MSI2: variants seen among roughly 807,000 people sequenced by gnomAD.
The protein encoded by MSI2 is musashi RNA binding protein 2.
In MSI2, 17 loss-of-function variants were observed where a neutral mutation model predicts 45.6. The observed-to-expected ratio is 0.37, with a 90% CI of 0.26 to 0.56. The LOEUF is 0.56. MSI2 is among the 20% of genes least tolerant of loss of function. The pLI is 0.77. For missense variants in MSI2, 293 were observed against 444.2 expected (o/e 0.66, Z 3.06); for synonymous variants, 156 against 158.2 (o/e 0.99, Z 0.11).
rs966823770 is a variant in MSI2, at chr17:57,611,722, G to A, written c.538-4248G>A. Among the ~76,000 whole-genome samples the A allele has an allele frequency of 8.4e-5, 8 of 95,556 alleles. 4 individuals carry two copies. Among genetic ancestry groups the A allele is most frequent in the Non-Finnish European group, 5.0e-5 (2 of 39,710 alleles). The allele number at this position is 95,556 out of a possible 152,430, so 62.7% of individuals were successfully genotyped here. On this transcript the variant is annotated intron_variant, in intron 8 of 13. Coordinates refer to ENST00000284073, the MANE Select transcript of MSI2 (RefSeq NM_138962.4). The stretch of plus-strand genomic sequence containing the variant: ...GCGCCATGGAGAAGCCATGGTGGAC[G>A]CCCCATCAGCAGGCCCAGCCAAACC...
In MSI2 at chr17:57,507,247, G is replaced by C. The variant is rs947753063; in HGVS notation, c.406-22429G>C. Among the ~76,000 whole-genome samples, 244 of 148,326 alleles carry C rather than the reference G, an allele frequency of 1.6e-3. 11 individuals are homozygous for C. The highest frequency in any genetic ancestry group is 4.2e-3 in the African/African-American group (170 of 40,030). On this transcript the variant is annotated intron_variant, in intron 6 of 13. Coordinates refer to ENST00000284073, the MANE Select transcript of MSI2 (RefSeq NM_138962.4). ...TCTCTGTGTGTGTGTGTGTGTGTGT[G>C]TGTGTGTGTGTGTGTGTGTGTGTGT...
At chr17:57,257,651 A>G in intron 3 of MSI2, 104 bp downstream of exon 3, 2 of 801,392 alleles carry the variant, frequency 2.5e-6, no homozygotes. Flanking sequence ...AATGGGGCTC[A>G]GGCGCGTGGC....
rs896593479 is a variant in MSI2, at chr17:57,652,282, G to A, written c.790+121G>A. On this transcript the variant is annotated intron_variant, in intron 11 of 13. Coordinates refer to ENST00000284073, the MANE Select transcript of MSI2 (RefSeq NM_138962.4). The surrounding 1 kb of genome is among the most constrained non-coding windows in gnomAD (Gnocchi z 4.1). ...AACACCACTCTCACCACAGCCCCGG[G>A]GAGGGGGTGGACGGGGAGGGGGTGG... 2 of 1,049,994 alleles carry A rather than the reference G, an allele frequency of 1.9e-6. No homozygotes were observed. Among genetic ancestry groups the A allele is most frequent in the East Asian group, 2.5e-5 (1 of 39,458 alleles). 65.0% of individuals were successfully genotyped at this position (1,049,994 alleles called of 1,614,324 possible). A position where few individuals can be genotyped will look rare whatever the true frequency, so the allele number is the denominator to read the frequency against.
At chr17:57,660,171 A>G (rs9899614) in intron 11 of MSI2, among the ~76,000 whole-genome samples, 27,733 of 152,054 alleles carry the variant, frequency 0.18, 3,297 homozygotes, top group African/African-American at 0.33. Context: ...TCTCATTTCA[A>G]TACTGTCTTT....
At chr17:57,363,100 G>C (rs1222232030) in intron 5 of MSI2, among the ~76,000 whole-genome samples, 2 of 152,102 alleles carry the variant, frequency 1.3e-5, no homozygotes, top group African/African-American at 4.8e-5. Flanking sequence ...GCCAAAAGGT[G>C]GAAACAACCC....
At chr17:57,430,950 T>C (rs928224124) in intron 6 of MSI2, among the ~76,000 whole-genome samples, 2 of 152,222 alleles carry the variant, frequency 1.3e-5, no homozygotes, top group African/African-American at 4.8e-5. Flanking sequence ...TGGTTATGAT[T>C]TTAGGAGCAC....
At chr17:57,694,560 T>C in the MSI2 span, among the ~76,000 whole-genome samples, 1 of 152,130 alleles carries the variant, frequency 6.6e-6, no homozygotes, top group African/African-American at 2.4e-5. Flanking sequence ...CTGTGGGGAA[T>C]GGGCTAATTA....
chr17:57,257,616 C>A, intron 3 of MSI2, 69 bp downstream of exon 3: 2 of 1,181,366 alleles, frequency 1.7e-6, no homozygotes, highest in South Asian at 2.5e-5. Flanking sequence ...TTGGAGGTGT[C>A]TTCGGAAGTA....
intron 5 of MSI2, among the ~76,000 whole-genome samples, chr17:57,347,549 C>A (rs1482939713): frequency 6.6e-6 from 1 of 152,154 alleles, no homozygotes; most frequent in East Asian, 1.9e-4. Context: ...TTCTGTCTTG[C>A]GTTTCTCTCT....
chr17:57,356,324 C>G (rs1916415125), intron 5 of MSI2, among the ~76,000 whole-genome samples: 3 of 152,158 alleles, frequency 2.0e-5, no homozygotes, highest in South Asian at 4.1e-4. Context: ...TTCTTGATAA[C>G]TTTGATGCCC....
chr17:57,296,739 G>C (rs1324847595), intron 5 of MSI2, among the ~76,000 whole-genome samples: 2 of 152,182 alleles, frequency 1.3e-5, no homozygotes, highest in East Asian at 3.8e-4. Flanking sequence ...TATTGAATCA[G>C]TGTTAATTTC....
intron 5 of MSI2, among the ~76,000 whole-genome samples, chr17:57,327,291 A>G (rs541443941): frequency 6.6e-6 from 1 of 152,284 alleles, no homozygotes; most frequent in African/African-American, 2.4e-5. Flanking sequence ...TGAGAAAAAG[A>G]AAAAGTGACA....
chr17:57,272,130 C>T lies in MSI2; in HGVS notation c.312+9938C>T, dbSNP rs192979926. On this transcript the variant is annotated intron_variant, in intron 5 of 13. Transcript: ENST00000284073. Reference sequence around the variant, plus strand: ...GTTTCCTTCTGCATGCTTGCATGGGCGCCTGTGTGTGTTTGTGCATGCACA... The same window carrying T: ...GTTTCCTTCTGCATGCTTGCATGGGTGCCTGTGTGTGTTTGTGCATGCACA... Among the ~76,000 whole-genome samples the T allele has an allele frequency of 3.0e-3, 457 of 152,174 alleles. 1 individual carries two copies. Among genetic ancestry groups the T allele is most frequent in the Non-Finnish European group, 4.9e-3 (333 of 68,012 alleles).
In MSI2 at chr17:57,630,193, T is replaced by TGG. The variant is rs781446299; in HGVS notation, c.727+2891_727+2892dup. On this transcript the variant is annotated intron_variant, in intron 10 of 13. Transcript: ENST00000284073. ...CTTTGGGAACTGGGGGGGCGGGGGA[T>TGG]GGACTGGGCTGCAGGAAGGAGGATA... 8.2e-5 allele frequency: 12 copies of TGG among 147,022 alleles called. No individual in the cohort carries two copies. In the East Asian group the frequency reaches 2.5e-3, roughly 31 times the overall value. The allele number at this position is 147,022 out of a possible 1,614,324, so 9.1% of individuals were successfully genotyped here.
At chr17:57,373,615 A>G (rs964022109) in intron 5 of MSI2, among the ~76,000 whole-genome samples, 5 of 152,216 alleles carry the variant, frequency 3.3e-5, no homozygotes, top group African/African-American at 9.6e-5. Context: ...AGAGCTATGC[A>G]GCAGATCTGG....
At chr17:57,629,216 G>C (rs575881821) in intron 10 of MSI2, 1 of 152,200 alleles carries the variant, frequency 6.6e-6, no homozygotes, top group African/African-American at 2.4e-5. Context: ...ATCACTTGAG[G>C]TCAGGAGTTC....
intron 8 of MSI2, chr17:57,601,681 T>C (rs1905894115): frequency 6.6e-6 from 1 of 152,186 alleles, no homozygotes; most frequent in Non-Finnish European, 1.5e-5. Flanking sequence ...CCACCCTCAT[T>C]GGGTGAGAGC....
At chr17:57,279,627 C>A (rs1470916143) in intron 5 of MSI2, 1 of 152,104 alleles carries the variant, frequency 6.6e-6, no homozygotes, top group African/African-American at 2.4e-5. Flanking sequence ...GCATGATTCA[C>A]TACTTTTCTT....
chr17:57,378,960 T>A (rs1393216804), intron 5 of MSI2, among the ~76,000 whole-genome samples: 1 of 152,152 alleles, frequency 6.6e-6, no homozygotes. Context: ...GAGTTTGTGT[T>A]ATATGTGAGC....
Sources: gnomAD v4.1 joint callset for allele counts (sites outside exome capture counted in the v4.1 genomes callset) on GRCh38, gnomAD v4.1.1 for gene constraint, Gnocchi (gnomAD v3.1) non-coding constraint, MANE v1.5 for transcripts, NCBI Gene and HGNC (gene_info 2026-07-23, HGNC 2026-07-21) for gene names.